The following UBE2Z variants were observed in gnomAD, a reference collection of about 807,000 sequenced individuals.
The protein encoded by UBE2Z is ubiquitin conjugating enzyme E2 Z.
Under a neutral mutation model 32.6 loss-of-function variants are expected in UBE2Z, and 10 were observed. That is an observed-to-expected ratio of 0.31 (90% CI 0.19 to 0.52). The LOEUF (loss-of-function observed/expected upper bound fraction) is 0.52. Among genes scored for constraint, UBE2Z ranks in the 20% least tolerant of loss-of-function variants. The pLI is 0.97. For missense variants in UBE2Z, 343 were observed against 480.9 expected (o/e 0.71, Z 2.68); for synonymous variants, 183 against 190.8 (o/e 0.96, Z 0.34).
At chr17:48,910,514 A>G (rs988708345) in intron 1 of UBE2Z, 69 of 321,556 alleles carry the variant, frequency 2.1e-4, no homozygotes, top group Middle Eastern at 9.1e-4. Flanking sequence ...GTAAGTGGAA[A>G]GTGGCTTTTC....
intron 4 of UBE2Z, among the ~76,000 whole-genome samples, chr17:48,917,424 T>C (rs2040728631): frequency 1.3e-5 from 2 of 152,146 alleles, no homozygotes; most frequent in South Asian, 4.1e-4. Flanking sequence ...CTGACCTGCT[T>C]TGGGGGTTGT....
rs1555580095 is a variant in UBE2Z at position 48,916,258 on chromosome 17, G to GTTTTTGTT, written c.690+76_690+77insGTTTTTTT. 1.2e-3 allele frequency: 506 copies of GTTTTTGTT among 418,984 alleles called. 4 individuals carry two copies. The East Asian group carries it at 0.026, about 22-fold the overall frequency. The allele number at this position is 418,984 out of a possible 1,614,324, so 26.0% of individuals were successfully genotyped here. A position where few individuals can be genotyped will look rare whatever the true frequency, so the allele number is the denominator to read the frequency against. On this transcript the variant is annotated intron_variant, in intron 4 of 6. Coordinates refer to ENST00000360943, the MANE Select transcript of UBE2Z (RefSeq NM_023079.5). The stretch of plus-strand genomic sequence containing the variant: ...GTTTGTTTGGTTGGTTGGTTTTTTT[G>GTTTTTGTT]TTTTTTTTTTTTTTTGAGACAGAGT...
intron 5 of UBE2Z, among the ~76,000 whole-genome samples, chr17:48,922,146 T>A (rs76789851): frequency 6.6e-6 from 1 of 152,128 alleles, no homozygotes; most frequent in Non-Finnish European, 1.5e-5. Context: ...CCCAGCACTT[T>A]GGGAGGCCAA....
At chr17:48,916,238 T>A in intron 4 of UBE2Z, 51 bp downstream of exon 4, 1 of 1,053,760 alleles carries the variant, frequency 9.5e-7, no homozygotes, top group African/African-American at 1.6e-5. Flanking sequence ...TTTTTGTTTG[T>A]TTGGTTGGTT....
chr17:48,912,453 T>A (rs79239253), intron 2 of UBE2Z: 1,820 of 177,088 alleles, frequency 0.01, 38 homozygotes, highest in African/African-American at 0.041. Flanking sequence ...GATAAGCATA[T>A]TATATTTTTC....
At chr17:48,925,437 T>C (rs950651393) in intron 6 of UBE2Z, among the ~76,000 whole-genome samples, 1 of 152,170 alleles carries the variant, frequency 6.6e-6, no homozygotes, top group African/African-American at 2.4e-5. Flanking sequence ...GTGCTACTTA[T>C]AAATGGTAGT....
intron 5 of UBE2Z, among the ~76,000 whole-genome samples, 177 bp downstream of exon 5, chr17:48,921,449 CTGT>C (rs1342995212): frequency 6.6e-6 from 1 of 152,080 alleles, no homozygotes; most frequent in Non-Finnish European, 1.5e-5. Flanking sequence ...GAGAGCTACT[CTGT>C]TGTTGGAGAA....
intron 1 of UBE2Z, 89 bp downstream of exon 1, chr17:48,908,909 A>T: frequency 1.3e-6 from 1 of 764,040 alleles, no homozygotes; most frequent in Non-Finnish European, 1.6e-6. Flanking sequence ...CTCACCCCCC[A>T]CCCACTGCGC....
chr17:48,918,185 G>A (rs1261264307), intron 4 of UBE2Z, among the ~76,000 whole-genome samples: 1 of 151,982 alleles, frequency 6.6e-6, no homozygotes, highest in African/African-American at 2.4e-5. Context: ...TGATCCACTC[G>A]CCTTGGCCTC....
At chr17:48,910,521 T>C in intron 1 of UBE2Z, 1 of 332,302 alleles carries the variant, frequency 3.0e-6, no homozygotes, top group Non-Finnish European at 5.6e-6. Context: ...GAAAGTGGCT[T>C]TTCCAGGCTG....
At chr17:48,926,046 A>G (rs2040795864) in intron 6 of UBE2Z, among the ~76,000 whole-genome samples, 1 of 152,178 alleles carries the variant, frequency 6.6e-6, no homozygotes, top group Non-Finnish European at 1.5e-5. Context: ...TTTGGGGACA[A>G]TTAAACCTTT....
intron 3 of UBE2Z, among the ~76,000 whole-genome samples, chr17:48,914,699 G>A (rs1302632847): frequency 6.6e-6 from 1 of 152,160 alleles, no homozygotes; most frequent in East Asian, 1.9e-4. Flanking sequence ...AAGCTGCCCT[G>A]AAATTGAAAA....
At chr17:48,910,621 T>A (rs1024926771) in intron 1 of UBE2Z, 187 bp from the exon 2 acceptor site, 1 of 493,068 alleles carries the variant, frequency 2.0e-6, no homozygotes, top group African/African-American at 1.9e-5. Flanking sequence ...TAATTTGCTC[T>A]CTGCCTGCCT....
intron 3 of UBE2Z, among the ~76,000 whole-genome samples, chr17:48,914,477 A>G (rs1359588028): frequency 6.6e-6 from 1 of 152,248 alleles, no homozygotes; most frequent in Non-Finnish European, 1.5e-5. Context: ...GAAGTACTTC[A>G]TCTCGTTAGG....
chr17:48,920,193 A>C lies in UBE2Z; in HGVS notation c.691-967A>C, dbSNP rs1377161256. 1.1e-3 allele frequency among the ~76,000 whole-genome samples: 162 copies of C among 151,948 alleles called. 2 individuals are homozygous for C. The highest frequency in any genetic ancestry group is 0.01 in the Admixed American group (159 of 15,260). ...ACAAAGCAAGAGCCTGCCTCTTAAAAATTTTTTAAATAAAAGACAAGCCGG... is the reference window on the plus strand; with the variant it reads ...ACAAAGCAAGAGCCTGCCTCTTAAACATTTTTTAAATAAAAGACAAGCCGG... On this transcript the variant is annotated intron_variant, in intron 4 of 6. Coordinates refer to ENST00000360943, the MANE Select transcript of UBE2Z (RefSeq NM_023079.5).
chr17:48,916,261 T>TTTTTTTTTG (rs2040719246), intron 4 of UBE2Z, 74 bp downstream of exon 4: 4 of 658,214 alleles, frequency 6.1e-6, no homozygotes, highest in South Asian at 6.6e-5. Context: ...TTTTTTTGTT[T>TTTTTTTTTG]TTTTTTTTTT....
intron 3 of UBE2Z, chr17:48,915,875 C>CCT: frequency 3.1e-6 from 1 of 327,654 alleles, no homozygotes; most frequent in Non-Finnish European, 5.5e-6. Flanking sequence ...GCCCCCCCCC[C>CCT]TTGATTTGAG....
intron 5 of UBE2Z, among the ~76,000 whole-genome samples, 178 bp from the exon 6 acceptor site, chr17:48,922,669 A>G (rs1355078695): frequency 6.6e-6 from 1 of 151,886 alleles, no homozygotes; most frequent in African/African-American, 2.4e-5. Flanking sequence ...CAGGAGGCTG[A>G]GGCAGGAGAA....
intron 5 of UBE2Z, 61 bp from the exon 6 acceptor site, chr17:48,922,786 T>A: frequency 8.2e-6 from 11 of 1,340,716 alleles, no homozygotes; most frequent in East Asian, 5.0e-5. Flanking sequence ...AAAGGTTAGG[T>A]AAGGAAGGGG....
Sources: gnomAD v4.1 joint callset for allele counts (sites outside exome capture counted in the v4.1 genomes callset) on GRCh38, gnomAD v4.1.1 for gene constraint, MANE v1.5 for transcripts, NCBI Gene and HGNC (gene_info 2026-07-23, HGNC 2026-07-21) for gene names.